The following WWOX variants were observed in gnomAD, a reference collection of about 807,000 sequenced individuals.
WWOX encodes WW domain-containing oxidoreductase.
Under a neutral mutation model 46.2 loss-of-function variants are expected in WWOX, and 69 were observed. That is an observed-to-expected ratio of 1.49 (90% CI 1.23 to 1.82). The LOEUF (loss-of-function observed/expected upper bound fraction) is 1.82. WWOX is among the 40% of genes most tolerant of loss of function. The pLI, the probability that WWOX is intolerant of heterozygous loss-of-function variation, is 0.00. For missense variants in WWOX, 919 were observed against 542.6 expected (o/e 1.69, Z -6.89); for synonymous variants, 359 against 202.6 (o/e 1.77, Z -6.56).
intron 8 of WWOX, among the ~76,000 whole-genome samples, chr16:78,824,205 T>G (rs2051585322): frequency 6.6e-6 from 1 of 152,242 alleles, no homozygotes; most frequent in South Asian, 2.1e-4. Context: ...TTTTGCTTTT[T>G]ATAAACAGTC....
chr16:79,118,031 G>A (rs1288385329), intron 8 of WWOX, among the ~76,000 whole-genome samples: 1 of 152,168 alleles, frequency 6.6e-6, no homozygotes, highest in Non-Finnish European at 1.5e-5. Context: ...CTTTTTCTTT[G>A]CATTCACAAC....
At chr16:79,119,436 C>T (rs2049583145) in intron 8 of WWOX, among the ~76,000 whole-genome samples, 1 of 152,262 alleles carries the variant, frequency 6.6e-6, no homozygotes, top group Non-Finnish European at 1.5e-5. Flanking sequence ...GAGATTGTGT[C>T]CTCCCTCAAA....
Position 79,212,076 on chromosome 16 carries a change from G to T in WWOX, c.*280G>T, listed in dbSNP as rs766067195. The stretch of plus-strand genomic sequence containing the variant: ...AAAACCTGCTTGGTGTGTAGGTTCC[G>T]TATCTCCCTGGAGAAGCACCAGCAA... On this transcript the variant is annotated 3_prime_UTR_variant, in exon 9 of 9. Coordinates refer to ENST00000566780, the MANE Select transcript of WWOX (RefSeq NM_016373.4). 14 of 1,536,300 alleles carry T rather than the reference G, an allele frequency of 9.1e-6. No individual in the cohort carries two copies. The highest frequency in any genetic ancestry group is 2.4e-5 in the South Asian group (2 of 84,064).
chr16:78,854,052 T>A (rs1364569029), intron 8 of WWOX, among the ~76,000 whole-genome samples: 3 of 152,190 alleles, frequency 2.0e-5, no homozygotes, highest in Non-Finnish European at 4.4e-5. Context: ...ACCACTACTA[T>A]CATTTTGCTA....
chr16:78,516,117 C>T (rs77235668), intron 8 of WWOX, among the ~76,000 whole-genome samples: 2 of 152,238 alleles, frequency 1.3e-5, no homozygotes, highest in Non-Finnish European at 2.9e-5. Context: ...AAAAATAGTT[C>T]TTGGCGTGCC....
intron 6 of WWOX, among the ~76,000 whole-genome samples, chr16:78,393,094 A>T (rs1342326406): frequency 6.6e-6 from 1 of 152,182 alleles, no homozygotes; most frequent in Non-Finnish European, 1.5e-5. Context: ...TTTAAACTGC[A>T]TTCCTGGAGA....
intron 8 of WWOX, among the ~76,000 whole-genome samples, chr16:78,636,418 T>A (rs2046572366): frequency 6.6e-6 from 1 of 152,198 alleles, no homozygotes; most frequent in Non-Finnish European, 1.5e-5. Context: ...AGTAGAGGCA[T>A]CCAGTTGATT....
chr16:78,197,259 C>A (rs983995442), intron 5 of WWOX, among the ~76,000 whole-genome samples: 17 of 152,206 alleles, frequency 1.1e-4, no homozygotes, highest in African/African-American at 4.1e-4. Flanking sequence ...CCATCTGACT[C>A]CAAAGCCACC....
At chr16:78,167,935 CTCAAGG>C (rs1381454861) in intron 5 of WWOX, 3 of 152,164 alleles carry the variant, frequency 2.0e-5, no homozygotes, top group Non-Finnish European at 4.4e-5. Flanking sequence ...TCCTGTGTTT[CTCAAGG>C]TCAATTTGAT....
chr16:79,169,079 T>C (rs909749409), intron 8 of WWOX, among the ~76,000 whole-genome samples: 1 of 152,174 alleles, frequency 6.6e-6, no homozygotes, highest in African/African-American at 2.4e-5. Flanking sequence ...GCTAGCTGTT[T>C]TATAAACATG....
intron 8 of WWOX, among the ~76,000 whole-genome samples, chr16:79,153,129 C>A (rs2150735612): frequency 6.6e-6 from 1 of 152,226 alleles, no homozygotes; most frequent in Middle Eastern, 3.4e-3. Flanking sequence ...CATGGGCTTG[C>A]TATATTTTTC....
intron 8 of WWOX, among the ~76,000 whole-genome samples, chr16:78,463,693 C>G (rs962734122): frequency 6.6e-6 from 1 of 152,336 alleles, no homozygotes; most frequent in Middle Eastern, 3.4e-3. Context: ...GGCTGATACT[C>G]TGTCATCTGG....
At chr16:78,716,182 A>T (rs1449155220) in intron 8 of WWOX, among the ~76,000 whole-genome samples, 1 of 152,092 alleles carries the variant, frequency 6.6e-6, no homozygotes, top group East Asian at 1.9e-4. Flanking sequence ...TAGAGGGAAG[A>T]TGATGTGAAG....
At chr16:78,774,516 G>C (rs2050141323) in intron 8 of WWOX, among the ~76,000 whole-genome samples, 2 of 148,784 alleles carry the variant, frequency 1.3e-5, no homozygotes, top group South Asian at 4.4e-4. Context: ...GTGTGTGTGT[G>C]TGTGTGTGTG....
chr16:79,125,563 G>T (rs952472574), intron 8 of WWOX, among the ~76,000 whole-genome samples: 2 of 151,682 alleles, frequency 1.3e-5, no homozygotes, highest in African/African-American at 4.8e-5. Context: ...CCAACTTTTT[G>T]AATCCATCCG....
At position 78,355,869 on chromosome 16, in the gene WWOX, C is replaced by CTTTG. The variant is rs138987266; in HGVS notation, c.517-30989_517-30986dup. ...TTTGTCCTGTACGGAAAACAGGAGA[C>CTTTG]TTTGTACAGTGGCCTCTCTAAATGT... is the stretch of plus-strand genomic sequence containing the variant. On this transcript the variant is annotated intron_variant, in intron 5 of 8. Coordinates refer to ENST00000566780, the MANE Select transcript of WWOX (RefSeq NM_016373.4). The CTTTG allele has an allele frequency of 5.2e-3, 2,914 of 557,362 alleles. 69 individuals carry two copies. In the African/African-American group the frequency reaches 0.055, roughly 10 times the overall value. The allele number at this position is 557,362 out of a possible 1,614,324, so 34.5% of individuals were successfully genotyped here.
chr16:78,129,477 G>A (rs1473812560), intron 4 of WWOX, among the ~76,000 whole-genome samples: 5 of 152,158 alleles, frequency 3.3e-5, no homozygotes, highest in African/African-American at 9.7e-5. Context: ...TAAAAATACA[G>A]TGTTGTAATC....
In WWOX at chr16:78,744,885, A is replaced by G. The variant is rs183074336; in HGVS notation, c.1056+312133A>G. On this transcript the variant is annotated intron_variant, in intron 8 of 8. Transcript: ENST00000566780. ...GGTAAGCAAAGAAGAGCAACACTCT[A>G]GTTTTCCTCCAAGCTTCAACGTTTT... 2.1e-3 allele frequency among the ~76,000 whole-genome samples: 327 copies of G among 152,298 alleles called. 1 individual carries two copies. Among genetic ancestry groups the G allele is most frequent in the African/African-American group, 7.4e-3 (306 of 41,564 alleles).
intron 6 of WWOX, among the ~76,000 whole-genome samples, chr16:78,388,300 G>T (rs1406379004): frequency 6.6e-6 from 1 of 152,078 alleles, no homozygotes; most frequent in Non-Finnish European, 1.5e-5. Flanking sequence ...GAAAATGCTG[G>T]GATTACACAC....
Sources: gnomAD v4.1 joint callset for allele counts (sites outside exome capture counted in the v4.1 genomes callset) on GRCh38, gnomAD v4.1.1 for gene constraint, MANE v1.5 for transcripts, NCBI Gene and HGNC (gene_info 2026-07-23, HGNC 2026-07-21) for gene names.